Variants in ITCH observed in about 807,000 individuals in gnomAD.
ITCH encodes itchy E3 ubiquitin protein ligase, also known as E3 ubiquitin-protein ligase Itchy homolog.
ITCH carries 28 observed loss-of-function variants against 126.8 expected under a neutral mutation model. That is an observed-to-expected ratio of 0.22 (90% CI 0.16 to 0.30). The LOEUF (loss-of-function observed/expected upper bound fraction) is 0.30. ITCH is among the 10% of genes least tolerant of loss of function. The pLI, the probability that ITCH is intolerant of heterozygous loss-of-function variation, is 1.00. For missense variants in ITCH, 631 were observed against 1,032.4 expected (o/e 0.61, Z 5.33); for synonymous variants, 342 against 340.0 (o/e 1.01, Z -0.06).
chr20:34,447,029 G>T (rs1984548327), intron 11 of ITCH, among the ~76,000 whole-genome samples: 1 of 152,024 alleles, frequency 6.6e-6, no homozygotes, highest in African/African-American at 2.4e-5. Flanking sequence ...ATTCACCTCT[G>T]TATATGTACC....
intron 6 of ITCH, among the ~76,000 whole-genome samples, chr20:34,414,623 C>A (rs539855298): frequency 6.6e-6 from 1 of 152,014 alleles, no homozygotes; most frequent in Non-Finnish European, 1.5e-5. Context: ...TGCGCCACCA[C>A]GCCCAGCTAA....
rs1384710098 is a variant in ITCH at position 34,462,307 on chromosome 20, A to AGTCTTAGTATTTCTTTTTTTTTTTTTTTT, written c.1424+101_1424+102insTTTTTTTTTTTTTTGTCTTAGTATTTCTT. 2.4e-5 allele frequency: 34 copies of AGTCTTAGTATTTCTTTTTTTTTTTTTTTT among 1,389,940 alleles called. No homozygotes were observed. The African/African-American group carries it at 3.5e-4, about 14-fold the overall frequency. The allele number at this position is 1,389,940 out of a possible 1,614,324, so 86.1% of individuals were successfully genotyped here. Reference sequence around the variant, plus strand: ...AAGATTTGTATTAGCAAGGAGTGGAAGTCTTAGTATTTCTTGAGTTAGCTT... The same window carrying AGTCTTAGTATTTCTTTTTTTTTTTTTTTT: ...AAGATTTGTATTAGCAAGGAGTGGAAGTCTTAGTATTTCTTTTTTTTTTTTTTTTGTCTTAGTATTTCTTGAGTTAGCTT... On this transcript the variant is annotated intron_variant, in intron 14 of 24. Coordinates refer to ENST00000374864, the MANE Select transcript of ITCH (RefSeq NM_031483.7).
chr20:34,449,882 C>A (rs1984980261), intron 12 of ITCH, among the ~76,000 whole-genome samples: 1 of 152,010 alleles, frequency 6.6e-6, no homozygotes, highest in Admixed American at 6.6e-5. Context: ...AATGACAAAA[C>A]TAGAGATGGA....
intron 9 of ITCH, among the ~76,000 whole-genome samples, chr20:34,440,749 C>T (rs1403734775): frequency 6.6e-6 from 1 of 152,044 alleles, no homozygotes; most frequent in East Asian, 1.9e-4. Context: ...ACCCAGCCAA[C>T]TGTTTTTATG....
intron 15 of ITCH, 148 bp from the exon 16 acceptor site, chr20:34,471,296 T>C (rs1477415091): frequency 1.1e-5 from 7 of 655,236 alleles, no homozygotes; most frequent in Admixed American, 2.4e-5. Context: ...CACAGATGCA[T>C]TGGTAAACAT....
At chr20:34,492,453 T>G (rs780625246) in intron 22 of ITCH, 48 bp from the exon 23 acceptor site, 1 of 1,128,594 alleles carries the variant, frequency 8.9e-7, no homozygotes, top group South Asian at 1.2e-5. Context: ...TTTAGTGTGC[T>G]GAATGTAACA....
intron 2 of ITCH, among the ~76,000 whole-genome samples, chr20:34,385,053 C>T (rs1359096957): frequency 1.3e-5 from 2 of 151,470 alleles, no homozygotes; most frequent in African/African-American, 2.4e-5. Flanking sequence ...CTCACTCTGT[C>T]GCTCAGGTTG....
intron 24 of ITCH, among the ~76,000 whole-genome samples, chr20:34,506,548 A>G (rs1487560932): frequency 6.6e-6 from 1 of 152,196 alleles, no homozygotes; most frequent in Non-Finnish European, 1.5e-5. Flanking sequence ...AGCAATAACT[A>G]TTGTGAACTG....
chr20:34,486,908 C>T (rs1252235266), intron 20 of ITCH, among the ~76,000 whole-genome samples: 14 of 151,742 alleles, frequency 9.2e-5, no homozygotes, highest in Admixed American at 9.2e-4. Flanking sequence ...TCTTGAACTC[C>T]TGTGCTCAAG....
At chr20:34,379,053 T>C (rs901069091) in intron 2 of ITCH, among the ~76,000 whole-genome samples, 1 of 152,206 alleles carries the variant, frequency 6.6e-6, no homozygotes, top group East Asian at 1.9e-4. Context: ...TCTGTATATA[T>C]TGAAATGTGC....
intron 2 of ITCH, among the ~76,000 whole-genome samples, chr20:34,375,101 G>A (rs1430684444): frequency 1.4e-5 from 2 of 143,192 alleles, no homozygotes; most frequent in Non-Finnish European, 3.0e-5. Context: ...GAGTGCAATG[G>A]CGCAATCTTG....
Position 34,374,410 on chromosome 20 carries a change from C to G in ITCH, c.-22+4940C>G, listed in dbSNP as rs533114184. Reference sequence around the variant, plus strand: ...CCTAACTTCTTTTTGCCTTAGTTTTCTCATCTGTAAATTGGGAATAGTAAT... The same window carrying G: ...CCTAACTTCTTTTTGCCTTAGTTTTGTCATCTGTAAATTGGGAATAGTAAT... On this transcript the variant is annotated intron_variant, in intron 2 of 24. Transcript: ENST00000374864. Among the ~76,000 whole-genome samples the G allele has an allele frequency of 1.5e-4, 23 of 152,202 alleles. No homozygotes were observed. The South Asian group carries it at 4.8e-3, about 32-fold the overall frequency.
intron 16 of ITCH, 28 bp downstream of exon 16, chr20:34,471,543 C>G (rs776665146): frequency 1.4e-6 from 2 of 1,399,928 alleles, no homozygotes; most frequent in Admixed American, 1.7e-5. Flanking sequence ...CAATAATTTC[C>G]CCCCTGGCTG....
chr20:34,433,505 C>G, intron 7 of ITCH, among the ~76,000 whole-genome samples: 1 of 152,032 alleles, frequency 6.6e-6, no homozygotes, highest in East Asian at 1.9e-4. Flanking sequence ...TGGATAAACC[C>G]TGTGTCTACA....
intron 16 of ITCH, chr20:34,476,278 T>G (rs1244156896): frequency 2.3e-6 from 2 of 861,282 alleles, no homozygotes; most frequent in East Asian, 4.8e-5. Context: ...GACTGTCACT[T>G]TATCTTCTGA....
rs985109442 is a variant in ITCH, at chr20:34,392,085, A to G, written c.-21-1706A>G. ...TTTTAAATATTGTCGTTCTATGGCAATCAGGCTTTTGGATATTGAGGAGGA... is the reference window on the plus strand; with the variant it reads ...TTTTAAATATTGTCGTTCTATGGCAGTCAGGCTTTTGGATATTGAGGAGGA... On this transcript the variant is annotated intron_variant, in intron 2 of 24. Coordinates refer to ENST00000374864, the MANE Select transcript of ITCH (RefSeq NM_031483.7). Among the ~76,000 whole-genome samples the G allele has an allele frequency of 4.6e-4, 70 of 152,298 alleles. 1 individual carries two copies. Among genetic ancestry groups the G allele is most frequent in the African/African-American group, 1.7e-3 (70 of 41,566 alleles).
chr20:34,464,232 C>CA (rs1248078239), intron 14 of ITCH, among the ~76,000 whole-genome samples: 14 of 151,716 alleles, frequency 9.2e-5, no homozygotes, highest in Admixed American at 8.5e-4. Context: ...TCGTGATCCA[C>CA]CCACCTCAGT....
At chr20:34,499,228 A>G (rs6059877) in intron 23 of ITCH, among the ~76,000 whole-genome samples, 1 of 141,592 alleles carries the variant, frequency 7.1e-6, no homozygotes, top group African/African-American at 2.6e-5. Flanking sequence ...CCCGCCTTGG[A>G]CTCCCAAAGT....
In ITCH at chr20:34,423,178, T is replaced by G. The variant is rs189444408; in HGVS notation, c.476-1302T>G. 8.8e-4 allele frequency among the ~76,000 whole-genome samples: 134 copies of G among 152,364 alleles called. 3 individuals are homozygous for G. Among genetic ancestry groups the G allele is most frequent in the Admixed American group, 8.6e-3 (131 of 15,304 alleles). On this transcript the variant is annotated intron_variant, in intron 6 of 24. Coordinates refer to ENST00000374864, the MANE Select transcript of ITCH (RefSeq NM_031483.7). Reference sequence around the variant, plus strand: ...AAAATATCTGTTTTTTGTGTCTGGCTTCTTTCACTTAGCATAATGTTTTTG... The same window carrying G: ...AAAATATCTGTTTTTTGTGTCTGGCGTCTTTCACTTAGCATAATGTTTTTG...
Sources: gnomAD v4.1 joint callset for allele counts (sites outside exome capture counted in the v4.1 genomes callset) on GRCh38, gnomAD v4.1.1 for gene constraint, MANE v1.5 for transcripts, NCBI Gene and HGNC (gene_info 2026-07-23, HGNC 2026-07-21) for gene names.